The following PACRG variants were observed in gnomAD, a reference collection of about 807,000 sequenced individuals.
PACRG encodes parkin coregulated gene protein.
A neutral mutation model predicts 29.7 loss-of-function variants in PACRG; 29 were observed. That is an observed-to-expected ratio of 0.98 (90% CI 0.73 to 1.33). The LOEUF (loss-of-function observed/expected upper bound fraction) is 1.33, where lower values mean the gene tolerates loss of function less well. Ranked by LOEUF, PACRG falls within the 40% of genes most tolerant of loss-of-function variation. The probability of loss-of-function intolerance (pLI) is 0.00; values close to 1 mark genes in which losing one functional copy is unlikely to be tolerated. For missense variants in PACRG, 279 were observed against 316.2 expected, an observed-to-expected ratio of 0.88 and a Z score of 0.89; for synonymous variants, 116 against 118.7, an observed-to-expected ratio of 0.98 and a Z score of 0.15.
intron 1 of PACRG, among the ~76,000 whole-genome samples, chr6:162,780,669 G>T: frequency 6.6e-6 from 1 of 152,164 alleles, no homozygotes; most frequent in Admixed American, 6.5e-5. Context: ...CAAGGAGCTA[G>T]AAGATACATC....
intron 4 of PACRG, among the ~76,000 whole-genome samples, chr6:163,181,213 G>A (rs1281204254): frequency 6.6e-6 from 1 of 152,140 alleles, no homozygotes; most frequent in African/African-American, 2.4e-5. Flanking sequence ...CTACTTGCCT[G>A]ACCATTTTAC....
At chr6:162,962,547 A>G (rs9458687) in intron 2 of PACRG, among the ~76,000 whole-genome samples, 23,602 of 151,854 alleles carry the variant, frequency 0.16, 3,212 homozygotes, top group African/African-American at 0.36. Context: ...GGCCCCCATG[A>G]TGGGATTTGT....
intron 2 of PACRG, among the ~76,000 whole-genome samples, chr6:163,049,920 T>A (rs908590521): frequency 6.6e-6 from 1 of 152,080 alleles, no homozygotes; most frequent in African/African-American, 2.4e-5. Flanking sequence ...ATAAAACAGT[T>A]CCTCTTCCAG....
chr6:162,773,646 C>A (rs1294179245), intron 1 of PACRG, among the ~76,000 whole-genome samples: 1 of 151,392 alleles, frequency 6.6e-6, no homozygotes, highest in Non-Finnish European at 1.5e-5. Flanking sequence ...TCCCGAGTAG[C>A]TGGGACTACA....
chr6:163,144,748 G>A (rs1245938822), intron 4 of PACRG, among the ~76,000 whole-genome samples: 4 of 152,128 alleles, frequency 2.6e-5, no homozygotes, highest in Non-Finnish European at 5.9e-5. Flanking sequence ...CAGCCTGGGC[G>A]ACAGAGCGAG....
At chr6:163,193,339 T>C (rs1408860919) in intron 4 of PACRG, among the ~76,000 whole-genome samples, 1 of 152,192 alleles carries the variant, frequency 6.6e-6, no homozygotes, top group Non-Finnish European at 1.5e-5. Flanking sequence ...AAAACTTTCA[T>C]TTTGTTTTAA....
intron 2 of PACRG, among the ~76,000 whole-genome samples, chr6:162,897,790 G>A (rs7770186): frequency 0.37 from 56,094 of 152,036 alleles, 11,306 homozygotes; most frequent in African/African-American, 0.53. Context: ...TGGCATGCAC[G>A]GACTTCTGGT....
chr6:163,110,716 G>A (rs536156022), intron 4 of PACRG, among the ~76,000 whole-genome samples: 49 of 152,324 alleles, frequency 3.2e-4, no homozygotes, highest in Non-Finnish European at 6.2e-4. Flanking sequence ...GGCTGTCACC[G>A]TGGCAGCACT....
intron 4 of PACRG, among the ~76,000 whole-genome samples, chr6:163,232,024 A>G (rs1232520188): frequency 6.6e-6 from 1 of 152,266 alleles, no homozygotes. Flanking sequence ...TAGAACAAAT[A>G]AAATAAGCTA....
At chr6:163,021,340 C>G (rs1320743272) in intron 2 of PACRG, among the ~76,000 whole-genome samples, 1 of 152,212 alleles carries the variant, frequency 6.6e-6, no homozygotes, top group South Asian at 2.1e-4. Flanking sequence ...AAGATAGAAG[C>G]CAGGAGTTGT....
chr6:163,017,626 A>G (rs892959516), intron 2 of PACRG, among the ~76,000 whole-genome samples: 1 of 152,124 alleles, frequency 6.6e-6, no homozygotes, highest in Non-Finnish European at 1.5e-5. Context: ...ATGAAAATAC[A>G]TTGTATCCAG....
At chr6:162,733,038 A>G (rs1449779105) in intron 1 of PACRG, among the ~76,000 whole-genome samples, 2 of 152,188 alleles carry the variant, frequency 1.3e-5, no homozygotes, top group African/African-American at 4.8e-5. Context: ...TTCTCCCTAC[A>G]TATCTGCATA....
chr6:163,083,797 G>A (rs1585174873), intron 3 of PACRG, among the ~76,000 whole-genome samples: 1 of 151,872 alleles, frequency 6.6e-6, no homozygotes, highest in Middle Eastern at 3.4e-3. Flanking sequence ...GTTTGCTTTT[G>A]CCTTTTGTTT....
At chr6:162,952,244 A>G (rs748813477) in intron 2 of PACRG, among the ~76,000 whole-genome samples, 1 of 152,214 alleles carries the variant, frequency 6.6e-6, no homozygotes, top group Non-Finnish European at 1.5e-5. Context: ...CTTTAAAAAC[A>G]TTACACAGCA....
intron 2 of PACRG, among the ~76,000 whole-genome samples, chr6:162,985,963 C>CAAAA (rs71546915): frequency 1.3e-5 from 2 of 151,036 alleles, no homozygotes; most frequent in African/African-American, 4.9e-5. Context: ...ACAATAGCTG[C>CAAAA]AAAAATAAAA....
At chr6:162,897,682 G>T (rs1795268682) in intron 2 of PACRG, among the ~76,000 whole-genome samples, 1 of 152,202 alleles carries the variant, frequency 6.6e-6, no homozygotes, top group Non-Finnish European at 1.5e-5. Context: ...GCCATTTAGG[G>T]TCTTACCTTC....
chr6:162,996,441 T>G (rs1410078253), intron 2 of PACRG, among the ~76,000 whole-genome samples: 1 of 152,132 alleles, frequency 6.6e-6, no homozygotes, highest in Non-Finnish European at 1.5e-5. Context: ...CGTTTGTGCT[T>G]TGATCCAAAA....
In PACRG at chr6:162,762,381, A is replaced by G. The variant is rs185294839; in HGVS notation, c.156+33990A>G. 1.5e-3 allele frequency among the ~76,000 whole-genome samples: 222 copies of G among 152,346 alleles called. 1 individual carries two copies. The highest frequency in any genetic ancestry group is 5.2e-3 in the African/African-American group (215 of 41,580). ...GGAACAAACATTGGGAATTGACATTAGAGAGCTCATCTATGATGGATGGCT... is the reference window on the plus strand; with the variant it reads ...GGAACAAACATTGGGAATTGACATTGGAGAGCTCATCTATGATGGATGGCT... On this transcript the variant is annotated intron_variant, in intron 1 of 4. Transcript: ENST00000366888.
At chr6:163,242,379 T>C (rs1400831469) in intron 4 of PACRG, among the ~76,000 whole-genome samples, 2 of 152,350 alleles carry the variant, frequency 1.3e-5, no homozygotes, top group South Asian at 2.1e-4. Context: ...TAGGGCAACA[T>C]TGATTTTCTT....
Sources: gnomAD v4.1 joint callset for allele counts (sites outside exome capture counted in the v4.1 genomes callset) on GRCh38, gnomAD v4.1.1 for gene constraint, MANE v1.5 for transcripts, NCBI Gene and HGNC (gene_info 2026-07-23, HGNC 2026-07-21) for gene names.